DCC: variants seen among roughly 807,000 people sequenced by gnomAD.
The protein encoded by DCC is DCC netrin 1 receptor.
Under a neutral mutation model 172.5 loss-of-function variants are expected in DCC, and 58 were observed. The ratio of observed to expected loss-of-function variants is 0.34; its 90% CI spans 0.27 to 0.42. The LOEUF is 0.42. Among genes scored for constraint, DCC ranks in the 10% least tolerant of loss-of-function variants. DCC has a pLI of 1.00. For missense variants in DCC, 1,740 were observed against 1,791.0 expected, an observed-to-expected ratio of 0.97 and a Z score of 0.51; for synonymous variants, 709 against 644.5, an observed-to-expected ratio of 1.10 and a Z score of -1.52.
At chr18:53,242,813 T>G (rs770437107) in intron 12 of DCC, among the ~76,000 whole-genome samples, 6 of 151,954 alleles carry the variant, frequency 3.9e-5, no homozygotes, top group Non-Finnish European at 7.4e-5. Flanking sequence ...AGGCACTGAA[T>G]AAAAGTATCC....
rs78014572 is a variant in DCC, at chr18:52,360,439, T to C, written c.91+19561T>C. On this transcript the variant is annotated intron_variant, in intron 1 of 28. Coordinates refer to ENST00000442544, the MANE Select transcript of DCC (RefSeq NM_005215.4). ...CTGCAATTTCTCTCCCATTGTAGTG[T>C]AAGGGAATTTTGCACAGTTTTGATG... 2.4e-3 allele frequency among the ~76,000 whole-genome samples: 372 copies of C among 152,376 alleles called. 2 individuals are homozygous for C. Among genetic ancestry groups the C allele is most frequent in the African/African-American group, 8.6e-3 (358 of 41,596 alleles).
intron 2 of DCC, among the ~76,000 whole-genome samples, chr18:52,831,305 C>T (rs2038609346): frequency 6.6e-6 from 1 of 152,046 alleles, no homozygotes; most frequent in Non-Finnish European, 1.5e-5. Flanking sequence ...TGCTTGGAGG[C>T]TAGTGTAAGG....
At chr18:53,465,012 A>T (rs1274018320) in intron 24 of DCC, among the ~76,000 whole-genome samples, 1 of 151,482 alleles carries the variant, frequency 6.6e-6, no homozygotes, top group Admixed American at 6.6e-5. Flanking sequence ...GAGAAGAAAA[A>T]AAGAAAAAGA....
chr18:53,469,329 C>A (rs1201819949), intron 25 of DCC, among the ~76,000 whole-genome samples: 2 of 152,168 alleles, frequency 1.3e-5, no homozygotes, highest in African/African-American at 4.8e-5. Context: ...AGCCTGCTTA[C>A]TGAATATTTA....
At chr18:52,849,872 T>C (rs2038948968) in intron 2 of DCC, among the ~76,000 whole-genome samples, 1 of 152,166 alleles carries the variant, frequency 6.6e-6, no homozygotes, top group African/African-American at 2.4e-5. Context: ...TTTTCCACTT[T>C]ACTGGATTTT....
chr18:53,119,448 A>G (rs2043452461), intron 7 of DCC, among the ~76,000 whole-genome samples: 1 of 151,644 alleles, frequency 6.6e-6, no homozygotes, highest in Non-Finnish European at 1.5e-5. Context: ...CACATATTAG[A>G]CTCTGTCTAC....
chr18:52,836,131 C>T (rs2038700288), intron 2 of DCC, among the ~76,000 whole-genome samples: 1 of 152,150 alleles, frequency 6.6e-6, no homozygotes, highest in South Asian at 2.1e-4. Flanking sequence ...AACTTGTGCA[C>T]TATCATGAGA....
intron 1 of DCC, among the ~76,000 whole-genome samples, chr18:52,566,596 A>G (rs937343905): frequency 1.3e-5 from 2 of 152,172 alleles, no homozygotes; most frequent in African/African-American, 4.8e-5. Flanking sequence ...GTAGTTTTAT[A>G]CCAATTTTGT....
intron 5 of DCC, among the ~76,000 whole-genome samples, chr18:53,029,513 T>C (rs965573476): frequency 1.3e-5 from 2 of 152,196 alleles, no homozygotes; most frequent in Non-Finnish European, 2.9e-5. Flanking sequence ...AAACTGGAAA[T>C]GCCTGGTTTG....
rs142930862 is a variant in DCC at position 52,913,551 on chromosome 18, T to C, written c.697+7223T>C. 4.6e-5 allele frequency among the ~76,000 whole-genome samples: 7 copies of C among 152,196 alleles called. No homozygotes were observed. The East Asian group carries it at 7.7e-4, about 17-fold the overall frequency. ...TGAGTGATGTTAGATATGGATTATA[T>C]TATATTCTCTTAGCTACTATTCCCT... On this transcript the variant is annotated intron_variant, in intron 3 of 28. Coordinates refer to ENST00000442544, the MANE Select transcript of DCC (RefSeq NM_005215.4).
In DCC at chr18:52,827,971, T is replaced by G. The variant is rs747154989; in HGVS notation, c.412+75597T>G. On this transcript the variant is annotated intron_variant, in intron 2 of 28. Coordinates refer to ENST00000442544, the MANE Select transcript of DCC (RefSeq NM_005215.4). ...TTGAAATTTATAGTAGTAGTTTTTT[T>G]TTTTCTTTTTTAAGCAAGGGCCTCC... Among the ~76,000 whole-genome samples, 5 of 152,202 alleles carry G rather than the reference T, an allele frequency of 3.3e-5. No individual in the cohort carries two copies. The East Asian group carries it at 7.7e-4, about 24-fold the overall frequency.
chr18:52,960,200 A>G (rs1043652331), intron 5 of DCC, among the ~76,000 whole-genome samples: 1 of 152,144 alleles, frequency 6.6e-6, no homozygotes, highest in African/African-American at 2.4e-5. Context: ...GGTTTTGTGT[A>G]TATTACAAAC....
chr18:52,919,147 C>T (rs1943121), intron 3 of DCC, among the ~76,000 whole-genome samples: 59,926 of 151,868 alleles, frequency 0.39, 12,407 homozygotes, highest in Non-Finnish European at 0.47. Flanking sequence ...GCTAGACTTA[C>T]ATGGTAGTGT....
At chr18:52,683,852 T>C (rs1401065155) in intron 1 of DCC, among the ~76,000 whole-genome samples, 4 of 152,276 alleles carry the variant, frequency 2.6e-5, no homozygotes, top group Middle Eastern at 3.4e-3. Context: ...AAACCACGTA[T>C]GTACTGTTGG....
intron 1 of DCC, among the ~76,000 whole-genome samples, chr18:52,627,712 C>A (rs1023131074): frequency 6.6e-6 from 1 of 152,186 alleles, no homozygotes; most frequent in African/African-American, 2.4e-5. Context: ...AGACAACTCT[C>A]GCTTTGGAGT....
chr18:53,408,440 G>A (rs1487360452), intron 19 of DCC, among the ~76,000 whole-genome samples: 1 of 152,160 alleles, frequency 6.6e-6, no homozygotes, highest in Non-Finnish European at 1.5e-5. Context: ...CTGCCACAAA[G>A]TATTCTCCAT....
intron 2 of DCC, among the ~76,000 whole-genome samples, chr18:52,839,357 G>T (rs533029104): frequency 6.6e-6 from 1 of 152,204 alleles, no homozygotes; most frequent in Admixed American, 6.5e-5. Flanking sequence ...ACCTAATTAG[G>T]CATGAAGCAA....
At chr18:53,469,024 C>T (rs1341016118) in intron 25 of DCC, among the ~76,000 whole-genome samples, 1 of 152,144 alleles carries the variant, frequency 6.6e-6, no homozygotes, top group Non-Finnish European at 1.5e-5. Context: ...AATCTCAGTT[C>T]CTATTACCTT....
chr18:52,407,327 A>G (rs917121673), intron 1 of DCC, among the ~76,000 whole-genome samples: 1 of 152,108 alleles, frequency 6.6e-6, no homozygotes, highest in Non-Finnish European at 1.5e-5. Flanking sequence ...GAAACAGTAA[A>G]ACAAAAGATG....
Sources: gnomAD v4.1 joint callset for allele counts (sites outside exome capture counted in the v4.1 genomes callset) on GRCh38, gnomAD v4.1.1 for gene constraint, MANE v1.5 for transcripts, NCBI Gene and HGNC (gene_info 2026-07-23, HGNC 2026-07-21) for gene names.